Variants in IQCB1 observed in about 807,000 individuals in gnomAD.
IQCB1 encodes the protein IQ motif containing B1.
Under a neutral mutation model 84.4 loss-of-function variants are expected in IQCB1, and 56 were observed. That is an observed-to-expected ratio of 0.66 (90% CI 0.54 to 0.83). The LOEUF (loss-of-function observed/expected upper bound fraction) is 0.83, where lower values mean the gene tolerates loss of function less well. IQCB1 is among the 40% of genes least tolerant of loss of function. IQCB1 has a pLI of 0.00. For synonymous variants in IQCB1, 210 were observed against 234.8 expected (o/e 0.89, Z 0.96); for missense variants, 629 against 682.1 (o/e 0.92, Z 0.87).
intron 13 of IQCB1, among the ~76,000 whole-genome samples, chr3:121,780,907 C>T (rs11710846): frequency 0.012 from 1,851 of 151,734 alleles, 15 homozygotes; most frequent in Non-Finnish European, 0.018. Flanking sequence ...AGAATGAACT[C>T]AGGCACAAAC....
intron 2 of IQCB1, 74 bp from the exon 3 acceptor site, chr3:121,829,046 T>C (rs1439872085): frequency 2.5e-6 from 2 of 808,730 alleles, no homozygotes; most frequent in Admixed American, 2.0e-5. Flanking sequence ...ATGTTTGAAA[T>C]ATAATTTCAA....
At chr3:121,787,301 T>C (rs1948774213) in intron 12 of IQCB1, among the ~76,000 whole-genome samples, 1 of 152,092 alleles carries the variant, frequency 6.6e-6, no homozygotes, top group Non-Finnish European at 1.5e-5. Flanking sequence ...CTAAATGCTA[T>C]AGGACCTGAA....
At chr3:121,797,014 T>G (rs763530288) in intron 9 of IQCB1, 104 bp downstream of exon 9, 2 of 752,888 alleles carry the variant, frequency 2.7e-6, no homozygotes, top group Non-Finnish European at 2.4e-6. Flanking sequence ...GGGGGTATTT[T>G]GCTTGAAATC....
chr3:121,827,976 G>C (rs1950514587), intron 4 of IQCB1, among the ~76,000 whole-genome samples: 1 of 151,988 alleles, frequency 6.6e-6, no homozygotes, highest in African/African-American at 2.4e-5. Context: ...ACAGTATTTG[G>C]GTTGCTTAAT....
At chr3:121,811,077 T>G (rs1200784144) in intron 5 of IQCB1, among the ~76,000 whole-genome samples, 1 of 152,124 alleles carries the variant, frequency 6.6e-6, no homozygotes, top group Non-Finnish European at 1.5e-5. Context: ...CATTTCCAAC[T>G]GAGGTACCCA....
At chr3:121,815,275 CTATTT>C (rs1950008937) in intron 5 of IQCB1, among the ~76,000 whole-genome samples, 1 of 152,128 alleles carries the variant, frequency 6.6e-6, no homozygotes. Flanking sequence ...ACAATAATAA[CTATTT>C]ATGAGAAACC....
At chr3:121,789,242 A>G (rs544171945) in intron 11 of IQCB1, among the ~76,000 whole-genome samples, 10 of 152,310 alleles carry the variant, frequency 6.6e-5, no homozygotes, top group Admixed American at 2.0e-4. Flanking sequence ...AAATAAAGTA[A>G]AATTAAAATT....
chr3:121,802,438 T>G (rs1049248221), intron 7 of IQCB1, among the ~76,000 whole-genome samples: 2 of 152,118 alleles, frequency 1.3e-5, no homozygotes. Context: ...GTTTATATTA[T>G]TCCCTTGTGA....
chr3:121,782,189 T>C (rs1420039273), intron 12 of IQCB1, among the ~76,000 whole-genome samples: 1 of 152,362 alleles, frequency 6.6e-6, no homozygotes, highest in East Asian at 1.9e-4. Context: ...ACTTGATCTC[T>C]AGAGGACAGG....
At chr3:121,771,477 C>T (rs994004966) in intron 14 of IQCB1, among the ~76,000 whole-genome samples, 3 of 151,666 alleles carry the variant, frequency 2.0e-5, no homozygotes, top group Non-Finnish European at 4.4e-5. Context: ...TACAGGCACC[C>T]GCCACCATGC....
At chr3:121,828,115 A>G (rs867791535) in intron 4 of IQCB1, among the ~76,000 whole-genome samples, 24 of 152,114 alleles carry the variant, frequency 1.6e-4, no homozygotes, top group Admixed American at 9.8e-4. Flanking sequence ...ATATACTTAC[A>G]TGACTGTCAC....
At chr3:121,772,374 A>G (rs1948032950) in intron 14 of IQCB1, among the ~76,000 whole-genome samples, 183 bp downstream of exon 14, 1 of 152,152 alleles carries the variant, frequency 6.6e-6, no homozygotes, top group Admixed American at 6.5e-5. Flanking sequence ...ACAGGTAAGA[A>G]GGTGGTTATA....
chr3:121,777,389 C>T (rs1948272291), intron 13 of IQCB1, among the ~76,000 whole-genome samples: 1 of 152,118 alleles, frequency 6.6e-6, no homozygotes, highest in Non-Finnish European at 1.5e-5. Flanking sequence ...CAAATCTGTA[C>T]AGCATGTTAT....
chr3:121,807,718 A>G (rs183222566), intron 6 of IQCB1, among the ~76,000 whole-genome samples: 2 of 152,126 alleles, frequency 1.3e-5, no homozygotes, highest in African/African-American at 4.8e-5. Flanking sequence ...AAAATATCAT[A>G]TCCTAAATCT....
At chr3:121,831,690 A>C (rs1950646787) in intron 2 of IQCB1, among the ~76,000 whole-genome samples, 1 of 152,228 alleles carries the variant, frequency 6.6e-6, no homozygotes, top group African/African-American at 2.4e-5. Flanking sequence ...TGTTGGTGGA[A>C]GAAAACTCCA....
At chr3:121,778,916 AG>A (rs1414766361) in intron 13 of IQCB1, among the ~76,000 whole-genome samples, 4 of 146,516 alleles carry the variant, frequency 2.7e-5, no homozygotes, top group African/African-American at 7.6e-5. Context: ...AAAAAAAAAA[AG>A]GTATCTTCTT....
chr3:121,816,166 G>C (rs1396412525), intron 5 of IQCB1, among the ~76,000 whole-genome samples: 1 of 152,040 alleles, frequency 6.6e-6, no homozygotes, highest in Non-Finnish European at 1.5e-5. Flanking sequence ...ACAAGAAATA[G>C]GGAAAGGATT....
Position 121,769,795 on chromosome 3 carries a change from A to G in IQCB1, c.*550T>C, listed in dbSNP as rs1559742314. On this transcript the variant is annotated 3_prime_UTR_variant, in exon 15 of 15. Coordinates refer to ENST00000310864, the MANE Select transcript of IQCB1 (RefSeq NM_001023570.4). The stretch of plus-strand genomic sequence containing the variant: ...TCTCACAGTTTAATAGAAAGAATGC[A>G]TTTTTTTGGTATGCAGTTCCTTTTA... 1.3e-5 allele frequency: 2 copies of G among 153,430 alleles called. No individual in the cohort carries two copies. The highest frequency in any genetic ancestry group is 4.8e-5 in the African/African-American group (2 of 41,456). The allele number at this position is 153,430 out of a possible 1,614,324, so 9.5% of individuals were successfully genotyped here.
At chr3:121,797,980 C>T (rs1949267148) in intron 8 of IQCB1, among the ~76,000 whole-genome samples, 1 of 151,946 alleles carries the variant, frequency 6.6e-6, no homozygotes, top group Admixed American at 6.6e-5. Flanking sequence ...CCCAAGTTCT[C>T]AGCAGTATTA....
Sources: gnomAD v4.1 joint callset for allele counts (sites outside exome capture counted in the v4.1 genomes callset) on GRCh38, gnomAD v4.1.1 for gene constraint, MANE v1.5 for transcripts, NCBI Gene and HGNC (gene_info 2026-07-23, HGNC 2026-07-21) for gene names.